RARB: variants seen among roughly 807,000 people sequenced by gnomAD.
RARB encodes the protein retinoic acid receptor beta, also known as HBV-activated protein.
Under a neutral mutation model 51.9 loss-of-function variants are expected in RARB, and 17 were observed. The ratio of observed to expected loss-of-function variants is 0.33; its 90% CI spans 0.22 to 0.49. RARB has a LOEUF of 0.49. Ranked by LOEUF, RARB falls within the 20% of genes least tolerant of loss-of-function variation. The probability of loss-of-function intolerance (pLI) is 0.99; values close to 1 mark genes in which losing one functional copy is unlikely to be tolerated. For missense variants in RARB, 369 were observed against 550.8 expected, an observed-to-expected ratio of 0.67 and a Z score of 3.30; for synonymous variants, 215 against 195.4, an observed-to-expected ratio of 1.10 and a Z score of -0.84.
chr3:25,143,000 A>T (rs1700134399), intron 4 of RARB, among the ~76,000 whole-genome samples: 1 of 152,214 alleles, frequency 6.6e-6, no homozygotes, highest in African/African-American at 2.4e-5. Context: ...TTTCTGGACT[A>T]TTTCTGAAAG....
At chr3:25,009,562 A>G (rs1171050741) in intron 2 of RARB, among the ~76,000 whole-genome samples, 1 of 152,052 alleles carries the variant, frequency 6.6e-6, no homozygotes, top group Non-Finnish European at 1.5e-5. Context: ...CCTTAGGAGT[A>G]GGTGTCTCTG....
At chr3:24,853,697 C>T (rs1470634997) in intron 1 of RARB, among the ~76,000 whole-genome samples, 1 of 152,198 alleles carries the variant, frequency 6.6e-6, no homozygotes, top group Non-Finnish European at 1.5e-5. Context: ...TTCTCATTCA[C>T]CCGTTCTTCA....
chr3:25,430,912 T>G (rs1018080969), intron 1 of RARB, among the ~76,000 whole-genome samples: 3 of 151,080 alleles, frequency 2.0e-5, no homozygotes, highest in African/African-American at 7.3e-5. Flanking sequence ...AGAGTTGCTT[T>G]ACCCTCATAA....
intron 7 of RARB, 55 bp downstream of exon 7, chr3:25,594,733 C>G: frequency 7.0e-7 from 1 of 1,429,018 alleles, no homozygotes; most frequent in Non-Finnish European, 9.2e-7. Flanking sequence ...AGGGCCTTAC[C>G]AGGTTGTGTT....
intron 5 of RARB, among the ~76,000 whole-genome samples, chr3:25,202,688 A>G (rs1323427205): frequency 2.6e-5 from 4 of 152,080 alleles, no homozygotes; most frequent in African/African-American, 9.7e-5. Context: ...TCATTTTGTT[A>G]TATACCCACT....
intron 5 of RARB, among the ~76,000 whole-genome samples, chr3:25,317,834 CATT>C (rs1205067884): frequency 1.3e-5 from 2 of 152,134 alleles, no homozygotes; most frequent in African/African-American, 2.4e-5. Context: ...GGTATAAAAA[CATT>C]ATTGGGGTAC....
chr3:25,341,700 G>A lies in RARB; in HGVS notation c.179-119493G>A, dbSNP rs531642341. Among the ~76,000 whole-genome samples, 72 of 152,166 alleles carry A rather than the reference G, an allele frequency of 4.7e-4. 1 individual carries two copies. The highest frequency in any genetic ancestry group is 1.5e-3 in the African/African-American group (63 of 41,522). The stretch of plus-strand genomic sequence containing the variant: ...CTACTTTTGGTTGTCACAACTGGAA[G>A]GGGAAAGCCACCGGTATCTAGTGGG... On this transcript the variant is annotated intron_variant, in intron 5 of 11. Coordinates refer to the RARB transcript ENST00000383772.
chr3:25,039,426 G>A (rs532976586), intron 2 of RARB, among the ~76,000 whole-genome samples: 1 of 152,282 alleles, frequency 6.6e-6, no homozygotes, highest in Admixed American at 6.5e-5. Flanking sequence ...TTCAAATGAT[G>A]TGTTCAGTAA....
chr3:25,270,348 A>G (rs1308841693), intron 5 of RARB, among the ~76,000 whole-genome samples: 1 of 152,144 alleles, frequency 6.6e-6, no homozygotes, highest in Non-Finnish European at 1.5e-5. Context: ...GTTGAACCTT[A>G]AGGACATTAA....
chr3:25,504,428 T>G (rs1017511830), intron 3 of RARB, among the ~76,000 whole-genome samples: 2 of 152,186 alleles, frequency 1.3e-5, no homozygotes, highest in Non-Finnish European at 2.9e-5. Context: ...ACGCATTGCT[T>G]TGAGCAGGGC....
chr3:24,913,305 G>A (rs900207323), intron 2 of RARB, among the ~76,000 whole-genome samples: 15 of 151,790 alleles, frequency 9.9e-5, no homozygotes, highest in African/African-American at 3.6e-4. Flanking sequence ...TTTCTTAACA[G>A]AGGGTTTTCC....
chr3:25,452,822 A>G lies in RARB; in HGVS notation c.158-8371A>G, dbSNP rs187472345. Among the ~76,000 whole-genome samples the G allele has an allele frequency of 5.1e-4, 77 of 152,326 alleles. No individual in the cohort carries two copies. The East Asian group carries it at 0.013, about 26-fold the overall frequency. ...GGAAGGAGTAAATGAACTAATGTCT[A>G]TTAAGCACTTTGCATGGTCCCTAAC... On this transcript the variant is annotated intron_variant, in intron 1 of 7. Transcript: ENST00000330688.
chr3:25,195,158 T>C (rs974349416), intron 5 of RARB, among the ~76,000 whole-genome samples: 1 of 152,016 alleles, frequency 6.6e-6, no homozygotes, highest in Non-Finnish European at 1.5e-5. Flanking sequence ...ATACAAACTA[T>C]TGCCCATCCT....
intron 5 of RARB, among the ~76,000 whole-genome samples, chr3:25,270,093 A>G (rs1703219034): frequency 6.6e-6 from 1 of 152,216 alleles, no homozygotes; most frequent in African/African-American, 2.4e-5. Flanking sequence ...TGAGAATAGT[A>G]TGGCAGTTCT....
chr3:25,275,679 A>G (rs1249386063), intron 5 of RARB, among the ~76,000 whole-genome samples: 1 of 151,392 alleles, frequency 6.6e-6, no homozygotes, highest in Non-Finnish European at 1.5e-5. Flanking sequence ...CTCTAATGCC[A>G]GGTTCAGTGA....
intron 5 of RARB, among the ~76,000 whole-genome samples, chr3:25,192,847 C>G (rs1701138147): frequency 6.6e-6 from 1 of 151,998 alleles, no homozygotes; most frequent in South Asian, 2.1e-4. Flanking sequence ...GGCATAGTAT[C>G]TAGTCCCTCG....
rs542452249 is a variant in RARB at position 24,977,731 on chromosome 3, C to T, written c.-379-82394C>T. ...CAATTTGACTTCCTCTTTTCCTAATCGAATACTCTTTATTTCTTTCTCCTG... is the reference window on the plus strand; with the variant it reads ...CAATTTGACTTCCTCTTTTCCTAATTGAATACTCTTTATTTCTTTCTCCTG... On this transcript the variant is annotated intron_variant, in intron 2 of 11. Transcript: ENST00000383772. Among the ~76,000 whole-genome samples the T allele has an allele frequency of 1.1e-4, 17 of 152,206 alleles. No homozygotes were observed. In the South Asian group the frequency reaches 1.2e-3, roughly 11 times the overall value.
intron 3 of RARB, among the ~76,000 whole-genome samples, chr3:25,115,112 A>G (rs998717890): frequency 6.6e-6 from 1 of 152,138 alleles, no homozygotes; most frequent in African/African-American, 2.4e-5. Context: ...TATCCAATGC[A>G]TTGGCTTCAT....
intron 3 of RARB, among the ~76,000 whole-genome samples, chr3:25,085,588 T>G (rs1699090715): frequency 6.6e-6 from 1 of 152,174 alleles, no homozygotes; most frequent in Non-Finnish European, 1.5e-5. Flanking sequence ...TCAATTCATT[T>G]ATCTTCCTTT....
Sources: gnomAD v4.1 joint callset for allele counts (sites outside exome capture counted in the v4.1 genomes callset) on GRCh38, gnomAD v4.1.1 for gene constraint, MANE v1.5 for transcripts, NCBI Gene and HGNC (gene_info 2026-07-23, HGNC 2026-07-21) for gene names.